IL12RB1: variants seen among roughly 807,000 people sequenced by gnomAD.
IL12RB1 encodes the protein interleukin 12 receptor subunit beta 1.
Under a neutral mutation model 94.4 loss-of-function variants are expected in IL12RB1, and 64 were observed. The ratio of observed to expected loss-of-function variants is 0.68; its 90% CI spans 0.55 to 0.83. The LOEUF is 0.83. IL12RB1 is among the 40% of genes least tolerant of loss of function. IL12RB1 has a pLI of 0.00. For missense variants in IL12RB1, 814 were observed against 855.6 expected (o/e 0.95, Z 0.61); for synonymous variants, 362 against 355.5 (o/e 1.02, Z -0.21).
chr19:18,087,007 C>A, upstream of IL12RB1: 1 of 1,332,892 alleles, frequency 7.5e-7, no homozygotes. Flanking sequence ...GAAAGAGAAA[C>A]CCAGGAAGTC....
At chr19:18,083,726 A>G (rs944598354) in intron 1 of IL12RB1, among the ~76,000 whole-genome samples, 1 of 150,352 alleles carries the variant, frequency 6.7e-6, no homozygotes, top group African/African-American at 2.5e-5. Flanking sequence ...CCATCCACCC[A>G]TGAATTCATC....
At chr19:18,084,519 C>T (rs2036188316) in intron 1 of IL12RB1, among the ~76,000 whole-genome samples, 2 of 151,840 alleles carry the variant, frequency 1.3e-5, no homozygotes, top group Non-Finnish European at 2.9e-5. Context: ...TGCATCCATG[C>T]ATTCATTAAT....
rs751281265 is a variant in IL12RB1, at chr19:18,072,119, G to T, written c.1014C>A (p.Thr338=). Residue 338 remains threonine (T), a synonymous_variant, in exon 9 of 17, where the codon ACC becomes ACA. Transcript: ENST00000593993. ...CCCACCCAGAGGAGGCACCTGTGTG[G>T]GTGTCGGCAGGAATGTGCCACGTCT... ...LNQTWHIPAD[T]HTEPVALNIS... 18 of 1,611,120 alleles carry T rather than the reference G, an allele frequency of 1.1e-5. No homozygotes were observed. Among genetic ancestry groups the T allele is most frequent in the Non-Finnish European group, 1.4e-5 (17 of 1,177,292 alleles).
intron 11 of IL12RB1, among the ~76,000 whole-genome samples, chr19:18,067,326 G>GAAAAAAA (rs57327846): frequency 3.6e-5 from 3 of 82,604 alleles, no homozygotes; most frequent in Non-Finnish European, 4.7e-5. Context: ...TCTGTCTCAA[G>GAAAAAAA]AAAAAAAAAA....
At chr19:18,060,610 G>C (rs916072632) in intron 15 of IL12RB1, among the ~76,000 whole-genome samples, 2 of 152,018 alleles carry the variant, frequency 1.3e-5, no homozygotes, top group Admixed American at 6.6e-5. Flanking sequence ...ACAGTGCAGT[G>C]ACCCCACCTC....
At position 18,066,697 on chromosome 19, in the gene IL12RB1, G is replaced by A; in HGVS notation, c.1328C>T (p.Ala443Val). Reference protein sequence around the residue: ...VLSTYHFGGNASAAGTPHHVS... With the variant: ...VLSTYHFGGNVSAAGTPHHVS... ...GTGGTGCGGTGTCCCAGCTGCTGAG[G>A]CTGCAACCAGTACCATTGTCATAGT... Residue 443 changes from alanine (A) to valine (V), a missense_variant and splice_region_variant, in exon 12 of 17, where the codon GCC becomes GTC. Transcript: ENST00000593993. 1 of 1,607,750 alleles carries A rather than the reference G, an allele frequency of 6.2e-7. No individual in the cohort carries two copies. Among genetic ancestry groups the A allele is most frequent in the Non-Finnish European group, 8.5e-7 (1 of 1,175,812 alleles).
chr19:18,073,571 G>C lies in IL12RB1; in HGVS notation c.729C>G (p.Phe243Leu). The change falls in exon 8 of 17, where the codon TTC (phenylalanine) becomes TTG (leucine). Residue 243 changes from phenylalanine (F) to leucine (L), a missense_variant. Coordinates refer to ENST00000593993, the MANE Select transcript of IL12RB1 (RefSeq NM_005535.3). ...PENPPQPQVR[F>L]SVEQLGQDGR... ...CATCCTGGCCCAGCTGCTCCACCGAGAATCTCACCTGAGGCTGTGGGGGGT... is the reference window on the plus strand; with the variant it reads ...CATCCTGGCCCAGCTGCTCCACCGACAATCTCACCTGAGGCTGTGGGGGGT... 1.2e-6 allele frequency: 2 copies of C among 1,612,794 alleles called. No homozygotes were observed. Among genetic ancestry groups the C allele is most frequent in the Non-Finnish European group, 1.7e-6 (2 of 1,178,906 alleles).
At chr19:18,088,541 G>A (rs1180658299), upstream of IL12RB1, among the ~76,000 whole-genome samples, 1 of 150,340 alleles carries the variant, frequency 6.7e-6, no homozygotes, top group Non-Finnish European at 1.5e-5. Context: ...TCCAGTCTGG[G>A]TAACAGAGCA....
chr19:18,095,834 G>A lies in IL12RB1; in HGVS notation c.-230+2921C>T, dbSNP rs576661766. On this transcript the variant is annotated intron_variant, in intron 1 of 4. Transcript: ENST00000594176. ...CAGTGACCCTTCCTAGGGTCCCCTC[G>A]AGCCTGAAAGCATACTCCAGTGTCC... Among the ~76,000 whole-genome samples the A allele has an allele frequency of 8.5e-5, 13 of 152,140 alleles. No homozygotes were observed. In the South Asian group the frequency reaches 1.2e-3, roughly 15 times the overall value.
At chr19:18,063,743 C>A in intron 13 of IL12RB1, 133 bp downstream of exon 13, 2 of 774,280 alleles carry the variant, frequency 2.6e-6, no homozygotes, top group Non-Finnish European at 4.0e-6. Context: ...GCAGTTTGAG[C>A]TGCTACTTTC....
intron 15 of IL12RB1, among the ~76,000 whole-genome samples, chr19:18,060,304 C>G (rs1210912727): frequency 1.3e-5 from 2 of 152,112 alleles, no homozygotes; most frequent in Admixed American, 1.3e-4. Context: ...CATGGCCAAA[C>G]CCCATCTCTA....
chr19:18,085,766 G>C (rs2036285757), intron 1 of IL12RB1, among the ~76,000 whole-genome samples: 1 of 151,916 alleles, frequency 6.6e-6, no homozygotes. Context: ...CCATCATCAA[G>C]CCTGGCTAAT....
At chr19:18,076,078 G>T (rs2035455185) in intron 6 of IL12RB1, among the ~76,000 whole-genome samples, 1 of 152,134 alleles carries the variant, frequency 6.6e-6, no homozygotes, top group Admixed American at 6.6e-5. Flanking sequence ...AGTCCTGGCT[G>T]CGGCCATCCC....
At chr19:18,064,776 C>A (rs1216401263) in intron 12 of IL12RB1, among the ~76,000 whole-genome samples, 1 of 152,070 alleles carries the variant, frequency 6.6e-6, no homozygotes, top group African/African-American at 2.4e-5. Context: ...GTCCGGCTGA[C>A]TTGTTGGATC....
upstream of IL12RB1, among the ~76,000 whole-genome samples, chr19:18,088,404 T>TATATAA (rs1038225227): frequency 2.9e-5 from 4 of 137,798 alleles, no homozygotes; most frequent in East Asian, 6.6e-4. Context: ...TATATATATA[T>TATATAA]AAATTAAAAG....
Position 18,077,645 on chromosome 19 carries a change from C to G in IL12RB1, c.420G>C (p.Glu140Asp), listed in dbSNP as rs368411705. The change falls in exon 5 of 17, where the codon GAG (glutamate) becomes GAC (aspartate). Residue 140 changes from glutamate to aspartate, a missense_variant. By Grantham distance (45) the Glu-to-Asp change is conservative (BLOSUM62 2). Coordinates refer to ENST00000593993, the MANE Select transcript of IL12RB1 (RefSeq NM_005535.3). ...TLQLYNSVKY[E>D]PPLGDIKVSK... Reference sequence around the variant, plus strand: ...ACACCTTGATGTCTCCCAGAGGAGGCTCATATTTAACTGGAAGCAGAGGTA... The same window carrying G: ...ACACCTTGATGTCTCCCAGAGGAGGGTCATATTTAACTGGAAGCAGAGGTA... The G allele has an allele frequency of 2.5e-5, 40 of 1,591,512 alleles. No individual in the cohort carries two copies. In the African/African-American group the frequency reaches 5.1e-4, roughly 20 times the overall value.
chr19:18,079,134 C>T (rs181606928), intron 4 of IL12RB1, among the ~76,000 whole-genome samples: 10 of 145,754 alleles, frequency 6.9e-5, no homozygotes, highest in East Asian at 6.1e-4. Context: ...GATGGAGTCT[C>T]GCTCTGTCAC....
chr19:18,082,478 C>T (rs1470710726), intron 2 of IL12RB1, among the ~76,000 whole-genome samples: 1 of 152,138 alleles, frequency 6.6e-6, no homozygotes, highest in Non-Finnish European at 1.5e-5. Context: ...TGTCCTGCCA[C>T]CTCTCTCTCT....
At chr19:18,062,150 C>A in intron 14 of IL12RB1, 31 bp downstream of exon 14, 1 of 1,373,714 alleles carries the variant, frequency 7.3e-7, no homozygotes, top group Non-Finnish European at 1.0e-6. Flanking sequence ...TCATTACCAT[C>A]GCTATGGTAA....
Sources: gnomAD v4.1 joint callset for allele counts (sites outside exome capture counted in the v4.1 genomes callset) on GRCh38, gnomAD v4.1.1 for gene constraint, MANE v1.5 for transcripts, NCBI Gene and HGNC (gene_info 2026-07-23, HGNC 2026-07-21) for gene names.